The following UGT2B17 variants were observed in gnomAD, a reference collection of about 807,000 sequenced individuals.
The protein encoded by UGT2B17 is UDP-glucuronosyltransferase 2B17.
In UGT2B17, 21 loss-of-function variants were observed where a neutral mutation model predicts 48.2. That is an observed-to-expected ratio of 0.44 (90% CI 0.31 to 0.63). UGT2B17 has a LOEUF of 0.63. UGT2B17 is among the 20% of genes least tolerant of loss of function. The probability of loss-of-function intolerance (pLI) is 0.08; values close to 1 mark genes in which losing one functional copy is unlikely to be tolerated. For missense variants in UGT2B17, 402 were observed against 696.1 expected, an observed-to-expected ratio of 0.58 and a Z score of 4.75; for synonymous variants, 146 against 238.4, an observed-to-expected ratio of 0.61 and a Z score of 3.57.
chr4:68,569,505 A>G lies in UGT2B17; in HGVS notation c.-64-957T>C, dbSNP rs1731266532. Among the ~76,000 whole-genome samples the G allele has an allele frequency of 2.4e-5, 3 of 125,688 alleles. 1 individual carries two copies. The highest frequency in any genetic ancestry group is 8.2e-5 in the African/African-American group (3 of 36,618). The allele number at this position is 125,688 out of a possible 152,430, so 82.5% of individuals were successfully genotyped here. The stretch of plus-strand genomic sequence containing the variant: ...AAGCAGCTCATTCCTGCCTGGCACC[A>G]CAGTGATCCTTTAGGAGGGTGGCCA... On this transcript the variant is annotated intron_variant, in intron 1 of 6. Coordinates refer to ENST00000317746, the MANE Select transcript of UGT2B17 (RefSeq NM_001077.4).
rs1431133620 is a variant in UGT2B17 at position 68,544,388 on chromosome 4, A to G, written c.1313+6289T>C. ...AATCTCTAAGCATTTACAGACAAGCAAATGCTGAGAGATTTTGTCACCACC... is the reference window on the plus strand; with the variant it reads ...AATCTCTAAGCATTTACAGACAAGCGAATGCTGAGAGATTTTGTCACCACC... On this transcript the variant is annotated intron_variant, in intron 6 of 6. Coordinates refer to ENST00000317746, the MANE Select transcript of UGT2B17 (RefSeq NM_001077.4). 1.6e-5 allele frequency among the ~76,000 whole-genome samples: 2 copies of G among 125,994 alleles called. 1 individual carries two copies. The highest frequency in any genetic ancestry group is 5.4e-5 in the African/African-American group (2 of 36,842). 82.7% of individuals were successfully genotyped at this position (125,994 alleles called of 152,430 possible).
At chr4:68,549,894 A>C (rs1730885018) in intron 6 of UGT2B17, among the ~76,000 whole-genome samples, 1 of 125,894 alleles carries the variant, frequency 7.9e-6, no homozygotes, top group Non-Finnish European at 1.7e-5. Context: ...CCATGCCCTG[A>C]TAAATGGGTA....
intron 3 of UGT2B17, among the ~76,000 whole-genome samples, chr4:68,564,383 C>T (rs1381977711): frequency 8.6e-6 from 1 of 116,896 alleles, no homozygotes; most frequent in African/African-American, 3.0e-5. Flanking sequence ...CTGCCTCCCG[C>T]GTTCAAGCGA....
chr4:68,548,319 G>T (rs1445543941), intron 6 of UGT2B17, among the ~76,000 whole-genome samples: 2 of 124,866 alleles, frequency 1.6e-5, no homozygotes, highest in Admixed American at 8.3e-5. Flanking sequence ...GCAAACTATC[G>T]CAAGGACAAA....
Position 68,573,107 on chromosome 4 carries a change from G to A in UGT2B17, c.-65+2844C>T, listed in dbSNP as rs1365430905. 2.4e-5 allele frequency among the ~76,000 whole-genome samples: 3 copies of A among 127,410 alleles called. 1 individual carries two copies. The highest frequency in any genetic ancestry group is 5.0e-5 in the Non-Finnish European group (3 of 59,874). 83.6% of individuals were successfully genotyped at this position (127,410 alleles called of 152,430 possible). On this transcript the variant is annotated intron_variant, in intron 1 of 6. Transcript: ENST00000317746. Reference sequence around the variant, plus strand: ...GTATTTATTAAAATTACCACAGCATGGGGAGACTTTATGTTTAGGTTTTTC... The same window carrying A: ...GTATTTATTAAAATTACCACAGCATAGGGAGACTTTATGTTTAGGTTTTTC...
rs1375208659 is a variant in UGT2B17 at position 68,545,614 on chromosome 4, C to A, written c.1313+5063G>T. Among the ~76,000 whole-genome samples the A allele has an allele frequency of 4.0e-5, 5 of 125,136 alleles. 1 individual carries two copies. 82.1% of individuals were successfully genotyped at this position (125,136 alleles called of 152,430 possible). A position where few individuals can be genotyped will look rare whatever the true frequency, so the allele number is the denominator to read the frequency against. ...GGAAATAGAGACACAAAAAACTCTT[C>A]AAAAAATCAATGAATCCAAGAGCTG... On this transcript the variant is annotated intron_variant, in intron 6 of 6. Transcript: ENST00000317746.
intron 6 of UGT2B17, among the ~76,000 whole-genome samples, chr4:68,540,836 C>A (rs1360107986): frequency 8.0e-6 from 1 of 124,700 alleles, no homozygotes; most frequent in Non-Finnish European, 1.7e-5. Flanking sequence ...TTTTGCTCCC[C>A]TCCCTGAGTC....
chr4:68,565,777 A>G (rs1176251222), intron 2 of UGT2B17, 57 bp from the exon 3 acceptor site: 1 of 1,294,454 alleles, frequency 7.7e-7, no homozygotes, highest in Non-Finnish European at 9.9e-7. Context: ...TTGTTATTTT[A>G]ATATTGAATA....
At position 68,553,192 on chromosome 4, in the gene UGT2B17, T is replaced by A. The variant is rs556121422; in HGVS notation, c.1006-1281A>T. ...TGACAAACTTTACCTGACTTGATCA[T>A]ATCTGAGTGAGAATTCCAAATTGTG... On this transcript the variant is annotated intron_variant, in intron 4 of 6. Coordinates refer to ENST00000317746, the MANE Select transcript of UGT2B17 (RefSeq NM_001077.4). Among the ~76,000 whole-genome samples the A allele has an allele frequency of 1.1e-4, 14 of 126,232 alleles. 1 individual carries two copies. The highest frequency in any genetic ancestry group is 1.8e-4 in the Non-Finnish European group (11 of 59,520). The allele number at this position is 126,232 out of a possible 152,430, so 82.8% of individuals were successfully genotyped here.
chr4:68,570,883 T>C lies in UGT2B17; in HGVS notation c.-64-2335A>G, dbSNP rs746071261. 1.6e-5 allele frequency among the ~76,000 whole-genome samples: 2 copies of C among 126,626 alleles called. 1 individual carries two copies. The highest frequency in any genetic ancestry group is 3.3e-5 in the Non-Finnish European group (2 of 59,730). 83.1% of individuals were successfully genotyped at this position (126,626 alleles called of 152,430 possible). On this transcript the variant is annotated intron_variant, in intron 1 of 6. Transcript: ENST00000317746. The stretch of plus-strand genomic sequence containing the variant: ...AGGTACATGTGCCAGTTTTGTCATA[T>C]TTTTAACTATGTCTTTAATAACTTG...
rs185074009 is a variant in UGT2B17, at chr4:68,575,383, C to G, written c.-65+568G>C. On this transcript the variant is annotated intron_variant, in intron 1 of 6. Transcript: ENST00000317746. Reference sequence around the variant, plus strand: ...TACCTTAGAAACTAAAAAGACCTATCTAGGCTTCCTTCTGATGGCTAACCT... The same window carrying G: ...TACCTTAGAAACTAAAAAGACCTATGTAGGCTTCCTTCTGATGGCTAACCT... 3.2e-5 allele frequency among the ~76,000 whole-genome samples: 4 copies of G among 123,910 alleles called. 2 individuals are homozygous for G. In the Admixed American group the frequency reaches 3.3e-4, roughly 10 times the overall value. The allele number at this position is 123,910 out of a possible 152,430, so 81.3% of individuals were successfully genotyped here.
intron 6 of UGT2B17, among the ~76,000 whole-genome samples, chr4:68,546,260 G>T (rs1375493522): frequency 7.9e-6 from 1 of 126,124 alleles, no homozygotes; most frequent in African/African-American, 2.7e-5. Flanking sequence ...GGGATGCAAG[G>T]CTAGTTCAAC....
At chr4:68,553,294 T>C (rs1027915917) in intron 4 of UGT2B17, among the ~76,000 whole-genome samples, 1 of 126,384 alleles carries the variant, frequency 7.9e-6, no homozygotes, top group Non-Finnish European at 1.7e-5. Flanking sequence ...CTAAAAACCA[T>C]GCTCTTGGTT....
rs1377448801 is a variant in UGT2B17 at position 68,547,015 on chromosome 4, A to G, written c.1313+3662T>C. On this transcript the variant is annotated intron_variant, in intron 6 of 6. Transcript: ENST00000317746. ...GGCCATACTGCCCAAGGTAATTTAT[A>G]GATCCAATGCCATCCCCATCAAGCT... Among the ~76,000 whole-genome samples, 3 of 124,330 alleles carry G rather than the reference A, an allele frequency of 2.4e-5. 1 individual carries two copies. Among genetic ancestry groups the G allele is most frequent in the Non-Finnish European group, 5.1e-5 (3 of 58,916 alleles). The allele number at this position is 124,330 out of a possible 152,430, so 81.6% of individuals were successfully genotyped here. A position where few individuals can be genotyped will look rare whatever the true frequency, so the allele number is the denominator to read the frequency against.
At position 68,549,851 on chromosome 4, in the gene UGT2B17, C is replaced by T. The variant is rs182800993; in HGVS notation, c.1313+826G>A. Among the ~76,000 whole-genome samples, 445 of 125,328 alleles carry T rather than the reference C, an allele frequency of 3.6e-3. 98 individuals carry two copies. Among genetic ancestry groups the T allele is most frequent in the African/African-American group, 0.012 (439 of 36,848 alleles). The allele number at this position is 125,328 out of a possible 152,430, so 82.2% of individuals were successfully genotyped here. On this transcript the variant is annotated intron_variant, in intron 6 of 6. Transcript: ENST00000317746. ...CACAGAAAATATGTATAACAATATTCGTAAGTGCCAAAATTGGAAAGACCT... is the reference window on the plus strand; with the variant it reads ...CACAGAAAATATGTATAACAATATTTGTAAGTGCCAAAATTGGAAAGACCT...
intron 2 of UGT2B17, 105 bp from the exon 3 acceptor site, chr4:68,565,825 C>T (rs1255578925): frequency 1.0e-6 from 1 of 968,340 alleles, no homozygotes; most frequent in Non-Finnish European, 1.3e-6. Flanking sequence ...AATAACATAC[C>T]TAAAAATATA....
chr4:68,553,689 T>C (rs1413192636), intron 4 of UGT2B17, among the ~76,000 whole-genome samples: 1 of 125,624 alleles, frequency 8.0e-6, no homozygotes, highest in Non-Finnish European at 1.7e-5. Context: ...CTGGAAGTAG[T>C]ATTGACTGTT....
chr4:68,555,860 A>G (rs1730990321), intron 4 of UGT2B17, among the ~76,000 whole-genome samples: 1 of 124,210 alleles, frequency 8.1e-6, no homozygotes, highest in Admixed American at 8.3e-5. Context: ...AAGGTTATGT[A>G]TAAAACAAGG....
chr4:68,550,408 T>C (rs1451486103), intron 6 of UGT2B17, among the ~76,000 whole-genome samples: 6 of 125,932 alleles, frequency 4.8e-5, no homozygotes, highest in Non-Finnish European at 8.4e-5. Context: ...TTGTGTATTC[T>C]ATCATTAAAA....
Sources: gnomAD v4.1 joint callset for allele counts (sites outside exome capture counted in the v4.1 genomes callset) on GRCh38, gnomAD v4.1.1 for gene constraint, MANE v1.5 for transcripts, NCBI Gene and HGNC (gene_info 2026-07-23, HGNC 2026-07-21) for gene names.